The following ERN1 variants were observed in gnomAD, a reference collection of about 807,000 sequenced individuals.
The protein encoded by ERN1 is endoplasmic reticulum to nucleus signaling 1, also known as serine/threonine-protein kinase/endoribonuclease IRE1.
In ERN1, 39 loss-of-function variants were observed where a neutral mutation model predicts 113.1. That is an observed-to-expected ratio of 0.34 (90% confidence interval 0.27 to 0.45). The LOEUF is 0.45. Ranked by LOEUF, ERN1 falls within the 20% of genes least tolerant of loss-of-function variation. ERN1 has a pLI of 1.00. For synonymous variants in ERN1, 507 were observed against 515.9 expected (o/e 0.98, Z 0.23); for missense variants, 976 against 1,274.8 (o/e 0.77, Z 3.57).
chr17:64,060,481 C>G lies in ERN1; in HGVS notation c.1194G>C (p.Lys398Asn), dbSNP rs1280356189. 7.4e-6 allele frequency: 12 copies of G among 1,612,776 alleles called. No individual in the cohort carries two copies. The highest frequency in any genetic ancestry group is 1.6e-4 in the Middle Eastern group (1 of 6,062). ...ENVIPADSEKKSFEEVINLVD... is the reference protein window; with the variant it reads ...ENVIPADSEKNSFEEVINLVD... ...CTTCCTCACTCACTTCCTCAAAGCT[C>G]TTTTTCTCTGAATCAGCAGGAATCA... The change falls in exon 11 of 22, where the codon AAG (lysine) becomes AAC (asparagine). Residue 398 changes from lysine to asparagine, a missense_variant. Physicochemically the swap from Lys to Asn is moderately conservative, Grantham distance 94 (BLOSUM62 0). Coordinates refer to ENST00000433197, the MANE Select transcript of ERN1 (RefSeq NM_001433.5).
chr17:64,068,004 C>T, intron 7 of ERN1, 186 bp downstream of exon 7: 1 of 544,052 alleles, frequency 1.8e-6, no homozygotes, highest in Non-Finnish European at 3.3e-6. Context: ...TCCCTTCAGA[C>T]TTCACCAAGG....
chr17:64,100,042 T>C (rs768004506), intron 1 of ERN1, among the ~76,000 whole-genome samples: 1 of 152,148 alleles, frequency 6.6e-6, no homozygotes, highest in African/African-American at 2.4e-5. Flanking sequence ...CAGGAAAACA[T>C]AAGCCTCAAG....
Position 64,044,133 on chromosome 17 carries a change from A to T in ERN1, c.2789T>A (p.Val930Glu). ...ETLGSLPDDF[V>E]CYFTSRFPHL... ...GGGGAAGCGAGATGTGAAGTAGCAC[A>T]CGAAGTCGTCGGGGAGGGACCCCAG... Residue 930 changes from valine (V) to glutamate (E), a missense_variant, in exon 22 of 22, where the codon GTG becomes GAG. Coordinates refer to ENST00000433197, the MANE Select transcript of ERN1 (RefSeq NM_001433.5). This position sits in a 1 kb window ranked among gnomAD's most constrained non-coding sequence, Gnocchi z 4.1. 6.2e-7 allele frequency: 1 copy of T among 1,608,756 alleles called. No individual in the cohort carries two copies.
chr17:64,084,824 C>T (rs1472031269), intron 2 of ERN1, among the ~76,000 whole-genome samples: 1 of 152,204 alleles, frequency 6.6e-6, no homozygotes, highest in Non-Finnish European at 1.5e-5. Flanking sequence ...TGCCGGCCTC[C>T]AAGTATTCAA....
At chr17:64,129,026 G>A (rs1262584790) in intron 1 of ERN1, 1 of 151,794 alleles carries the variant, frequency 6.6e-6, no homozygotes, top group Non-Finnish European at 1.5e-5. Flanking sequence ...ACAGAACACG[G>A]ACAAATTTGC....
intron 1 of ERN1, among the ~76,000 whole-genome samples, chr17:64,099,345 T>C (rs991216153): frequency 2.6e-5 from 4 of 151,952 alleles, no homozygotes; most frequent in African/African-American, 2.4e-5. Context: ...AGGGTTTCCA[T>C]GGGAGCAGGT....
Position 64,063,245 on chromosome 17 carries a change from G to T in ERN1, c.1087+741C>A, listed in dbSNP as rs1004816945. Among the ~76,000 whole-genome samples, 3 of 152,230 alleles carry T rather than the reference G, an allele frequency of 2.0e-5. No individual in the cohort carries two copies. Among genetic ancestry groups the T allele is most frequent in the African/African-American group, 7.2e-5 (3 of 41,448 alleles). The stretch of plus-strand genomic sequence containing the variant: ...CAGTGAGGGATGGGGCACAGGAAGG[G>T]CAGATGGGGTTCAAGAAAACTCCCT... On this transcript the variant is annotated intron_variant, in intron 10 of 21. Transcript: ENST00000433197. The surrounding 1 kb of genome is among the most constrained non-coding windows in gnomAD (Gnocchi z 5.1).
intron 16 of ERN1, 94 bp from the exon 17 acceptor site, chr17:64,053,073 C>T: frequency 2.9e-6 from 3 of 1,031,576 alleles, no homozygotes; most frequent in Middle Eastern, 3.0e-4. Flanking sequence ...TCCCAATATG[C>T]CTGCCGCCAC....
intron 1 of ERN1, among the ~76,000 whole-genome samples, chr17:64,113,734 A>G (rs1315845364): frequency 6.6e-6 from 1 of 152,040 alleles, no homozygotes; most frequent in Non-Finnish European, 1.5e-5. Context: ...CCCAGGCTGG[A>G]GTGCAGTGGC....
Position 64,093,816 on chromosome 17 carries a change from G to T in ERN1, c.175+4305C>A, listed in dbSNP as rs560623978. Among the ~76,000 whole-genome samples the T allele has an allele frequency of 6.3e-4, 96 of 152,320 alleles. 1 individual carries two copies. The South Asian group carries it at 0.02, about 32-fold the overall frequency. On this transcript the variant is annotated intron_variant, in intron 2 of 21. Coordinates refer to ENST00000433197, the MANE Select transcript of ERN1 (RefSeq NM_001433.5). ...CAGGGCATGTTGCTCCTTGCCTCAG[G>T]TTCCTCCAACGGCTGAGGAAAAGCC...
chr17:64,130,026 G>C lies in ERN1; in HGVS notation c.4C>G (p.Pro2Ala). Reference sequence around the variant, plus strand: ...AGCAGCAGCAGCAGCCGCCGGGCCGGCATGGCGAGGACTCGGCCCTGGCTC... The same window carrying C: ...AGCAGCAGCAGCAGCCGCCGGGCCGCCATGGCGAGGACTCGGCCCTGGCTC... M[P>A]ARRLLLLLTL... The change falls in exon 1 of 22, where the codon CCG becomes GCG. Residue 2 changes from proline to alanine, a missense_variant. Physicochemically the swap from Pro to Ala is conservative, Grantham distance 27 (BLOSUM62 -1). Transcript: ENST00000433197. This position sits in a 1 kb window ranked among gnomAD's most constrained non-coding sequence, Gnocchi z 4.0. The C allele has an allele frequency of 7.0e-7, 1 of 1,427,876 alleles. No individual in the cohort carries two copies. The highest frequency in any genetic ancestry group is 9.1e-7 in the Non-Finnish European group (1 of 1,097,516). The allele number at this position is 1,427,876 out of a possible 1,614,324, so 88.5% of individuals were successfully genotyped here.
chr17:64,078,291 C>A (rs548896696), intron 4 of ERN1, among the ~76,000 whole-genome samples: 1 of 152,288 alleles, frequency 6.6e-6, no homozygotes, highest in Non-Finnish European at 1.5e-5. Flanking sequence ...AATGGAACAT[C>A]TTTTCATATG....
intron 9 of ERN1, among the ~76,000 whole-genome samples, chr17:64,064,914 G>A (rs901967930): frequency 6.6e-6 from 1 of 152,180 alleles, no homozygotes; most frequent in East Asian, 1.9e-4. Flanking sequence ...ACAGGGTGGA[G>A]GAAGGGCATC....
chr17:64,055,533 A>T (rs1290674232), intron 13 of ERN1, 142 bp downstream of exon 13: 1 of 807,454 alleles, frequency 1.2e-6, no homozygotes, highest in African/African-American at 1.8e-5. Flanking sequence ...GCCTTCCCAC[A>T]GAGACCCCCA....
intron 1 of ERN1, among the ~76,000 whole-genome samples, chr17:64,120,099 C>A (rs564609025): frequency 1.3e-5 from 2 of 152,100 alleles, no homozygotes; most frequent in Non-Finnish European, 2.9e-5. Flanking sequence ...CCGGCCCCCA[C>A]TCCCAGAGAT....
rs553088308 is a variant in ERN1, at chr17:64,063,814, T to C, written c.1087+172A>G. 6.6e-6 allele frequency among the ~76,000 whole-genome samples: 1 copy of C among 152,288 alleles called. No individual in the cohort carries two copies. The highest frequency in any genetic ancestry group is 2.1e-4 in the South Asian group (1 of 4,830). ...AAACTGACTCAGAAACACAGCTACC[T>C]TGTTGATTTTCCTTGGGGGTAAAAA... On this transcript the variant is annotated intron_variant, in intron 10 of 21. Transcript: ENST00000433197. This position sits in a 1 kb window ranked among gnomAD's most constrained non-coding sequence, Gnocchi z 5.1.
chr17:64,060,342 G>A, intron 11 of ERN1, 127 bp downstream of exon 11: 1 of 664,890 alleles, frequency 1.5e-6, no homozygotes. Flanking sequence ...TTTTTGCTTT[G>A]GATTCTGGTG....
At chr17:64,087,619 G>A (rs1316763896) in intron 2 of ERN1, among the ~76,000 whole-genome samples, 1 of 152,176 alleles carries the variant, frequency 6.6e-6, no homozygotes, top group Non-Finnish European at 1.5e-5. Context: ...GATAATTATT[G>A]AAGCTGGGTG....
chr17:64,062,444 A>G (rs1913083422), intron 10 of ERN1, among the ~76,000 whole-genome samples: 1 of 152,278 alleles, frequency 6.6e-6, no homozygotes, highest in South Asian at 2.1e-4. Context: ...TCTCAGTGCC[A>G]TATTTTAAGA....
Sources: gnomAD v4.1 joint callset for allele counts (sites outside exome capture counted in the v4.1 genomes callset) on GRCh38, gnomAD v4.1.1 for gene constraint, Gnocchi (gnomAD v3.1) non-coding constraint, MANE v1.5 for transcripts, NCBI Gene and HGNC (gene_info 2026-07-23, HGNC 2026-07-21) for gene names.